The following OR2M3 variants were observed in gnomAD, a reference collection of about 807,000 sequenced individuals.
The protein encoded by OR2M3 is olfactory receptor family 2 subfamily M member 3.
Under a neutral mutation model 4.3 loss-of-function variants are expected in OR2M3, and 1 was observed. The observed-to-expected ratio is 0.23, with a 90% confidence interval of 0.08 to 1.11. The LOEUF is 1.11. Among genes scored for constraint, OR2M3 ranks in the 50% most tolerant of loss-of-function variants. The probability of loss-of-function intolerance (pLI) is 0.54; values close to 1 mark genes in which losing one functional copy is unlikely to be tolerated. For missense variants in OR2M3, 410 were observed against 390.4 expected, an observed-to-expected ratio of 1.05 and a Z score of -0.42; for synonymous variants, 151 against 139.4, an observed-to-expected ratio of 1.08 and a Z score of -0.59.
chr1:248,201,266 A>G (rs1666153604), intron 1 of OR2M3, among the ~76,000 whole-genome samples: 2 of 151,940 alleles, frequency 1.3e-5, no homozygotes, highest in Non-Finnish European at 1.5e-5. Flanking sequence ...TGGAATTCCT[A>G]TTTGGATAAC....
chr1:248,200,520 C>G (rs1041472844), intron 1 of OR2M3, among the ~76,000 whole-genome samples: 2 of 152,106 alleles, frequency 1.3e-5, no homozygotes, highest in African/African-American at 4.8e-5. Flanking sequence ...TACCAATAAT[C>G]AGCTTTATCC....
At position 248,201,936 on chromosome 1, in the gene OR2M3, G is replaced by A. The variant is rs1250560880; in HGVS notation, c.-18-1114G>A. ...GCCACAGTGGTCAACACGTAGCCAG[G>A]CTTCATAAGTGTGGTTGGAAAGAGT... On this transcript the variant is annotated intron_variant, in intron 1 of 1. Transcript: ENST00000641626. Among the ~76,000 whole-genome samples, 3 of 152,084 alleles carry A rather than the reference G, an allele frequency of 2.0e-5. No homozygotes were observed. In the East Asian group the frequency reaches 5.8e-4, roughly 29 times the overall value.
Position 248,209,377 on chromosome 1 carries a change from A to G in OR2M3, c.*5371A>G, listed in dbSNP as rs1666255487. On this transcript the variant is annotated 3_prime_UTR_variant, in exon 2 of 2. Transcript: ENST00000641626. ...TGAACTGGTGTGATCTTTTGGGGGTATTACAGAACCTTGTTTTATCATATT... is the reference window on the plus strand; with the variant it reads ...TGAACTGGTGTGATCTTTTGGGGGTGTTACAGAACCTTGTTTTATCATATT... 2 of 152,078 alleles carry G rather than the reference A, an allele frequency of 1.3e-5. No individual in the cohort carries two copies. Among genetic ancestry groups the G allele is most frequent in the South Asian group, 2.1e-4 (1 of 4,820 alleles). The allele number at this position is 152,078 out of a possible 1,614,324, so 9.4% of individuals were successfully genotyped here.
rs1247892459 is a variant in OR2M3, at chr1:248,205,987, C to G, written c.*1981C>G. The G allele has an allele frequency of 2.0e-5, 3 of 151,702 alleles. No homozygotes were observed. The highest frequency in any genetic ancestry group is 2.1e-4 in the South Asian group (1 of 4,806). 9.4% of individuals were successfully genotyped at this position (151,702 alleles called of 1,614,324 possible). A position where few individuals can be genotyped will look rare whatever the true frequency, so the allele number is the denominator to read the frequency against. ...TTTTCAGCAGTGTTTTGTATTTTTC[C>G]TTGTAGAAGTCTTTCACATCCTTGG... On this transcript the variant is annotated 3_prime_UTR_variant, in exon 2 of 2. Coordinates refer to ENST00000641626, the MANE Select transcript of OR2M3 (RefSeq NM_001004689.2).
chr1:248,209,347 G>A lies in OR2M3; in HGVS notation c.*5341G>A, dbSNP rs1277451541. On this transcript the variant is annotated 3_prime_UTR_variant, in exon 2 of 2. Transcript: ENST00000641626. ...GATTTCCTCTTCGTTTGGATCCATT[G>A]GTGGTGAACTGGTGTGATCTTTTGG... is the stretch of plus-strand genomic sequence containing the variant. The A allele has an allele frequency of 6.6e-6, 1 of 152,120 alleles. No individual in the cohort carries two copies. The highest frequency in any genetic ancestry group is 1.5e-5 in the Non-Finnish European group (1 of 68,028). 9.4% of individuals were successfully genotyped at this position (152,120 alleles called of 1,614,324 possible).
chr1:248,198,070 T>G (rs1666116330), intron 1 of OR2M3, among the ~76,000 whole-genome samples: 1 of 152,192 alleles, frequency 6.6e-6, no homozygotes, highest in South Asian at 2.1e-4. Context: ...TTTAAGACGT[T>G]TACACCTATT....
chr1:248,203,524 T>C lies in OR2M3; in HGVS notation c.457T>C (p.Ser153Pro), dbSNP rs1240035976. 1 of 1,613,690 alleles carries C rather than the reference T, an allele frequency of 6.2e-7. No individual in the cohort carries two copies. The highest frequency in any genetic ancestry group is 8.5e-7 in the Non-Finnish European group (1 of 1,179,840). ...LMTAFSWILGSTDGIIDVVAT... is the reference protein window; with the variant it reads ...LMTAFSWILGPTDGIIDVVAT... ...GACTGCCTTTTCCTGGATCCTGGGC[T>C]CTACGGATGGAATTATTGATGTTGT... Residue 153 changes from serine to proline, a missense_variant, in exon 2 of 2, where the codon TCT becomes CCT. Physicochemically the swap from Ser to Pro is moderately conservative, Grantham distance 74. Transcript: ENST00000641626.
rs1272332133 is a variant in OR2M3 at position 248,212,371 on chromosome 1, G to A, written c.*8365G>A. 3 of 151,912 alleles carry A rather than the reference G, an allele frequency of 2.0e-5. No homozygotes were observed. The highest frequency in any genetic ancestry group is 4.4e-5 in the Non-Finnish European group (3 of 67,910). 9.4% of individuals were successfully genotyped at this position (151,912 alleles called of 1,614,324 possible). A position where few individuals can be genotyped will look rare whatever the true frequency, so the allele number is the denominator to read the frequency against. On this transcript the variant is annotated 3_prime_UTR_variant, in exon 2 of 2. Coordinates refer to ENST00000641626, the MANE Select transcript of OR2M3 (RefSeq NM_001004689.2). ...TAAGCAAAATGCATAATTAATTATA[G>A]TTATCTTAAATCACTTGGCCAAATA...
At chr1:248,198,207 T>G (rs1666118363) in intron 1 of OR2M3, among the ~76,000 whole-genome samples, 1 of 152,202 alleles carries the variant, frequency 6.6e-6, no homozygotes, top group African/African-American at 2.4e-5. Context: ...TCTCTCTGAT[T>G]ATATAACTTT....
At chr1:248,198,407 G>A (rs748623222) in intron 1 of OR2M3, among the ~76,000 whole-genome samples, 9 of 152,094 alleles carry the variant, frequency 5.9e-5, no homozygotes, top group Non-Finnish European at 7.4e-5. Context: ...AAATTCCATC[G>A]TTAGTGCACA....
chr1:248,208,507 C>T lies in OR2M3; in HGVS notation c.*4501C>T, dbSNP rs1666247002. ...GCTCCTTTCAGCAGTTCTTGTTGTG[C>T]AGGCTTGATAGTGTTGAATTCTCTC... is the stretch of plus-strand genomic sequence containing the variant. On this transcript the variant is annotated 3_prime_UTR_variant, in exon 2 of 2. Transcript: ENST00000641626. 1 of 152,066 alleles carries T rather than the reference C, an allele frequency of 6.6e-6. No individual in the cohort carries two copies. The highest frequency in any genetic ancestry group is 2.1e-4 in the South Asian group (1 of 4,828). The allele number at this position is 152,066 out of a possible 1,614,324, so 9.4% of individuals were successfully genotyped here.
chr1:248,199,830 ATGAAGGAGG>A lies in OR2M3; in HGVS notation c.-19+2534_-19+2542del, dbSNP rs577581481. Among the ~76,000 whole-genome samples the A allele has an allele frequency of 2.2e-4, 34 of 152,206 alleles. No homozygotes were observed. In the East Asian group the frequency reaches 4.4e-3, roughly 20 times the overall value. ...ATGAAGACAATTTTAGCACATGGAT[ATGAAGGAGG>A]TGAAAAATACAACACAAATAATAGT... On this transcript the variant is annotated intron_variant, in intron 1 of 1. Coordinates refer to ENST00000641626, the MANE Select transcript of OR2M3 (RefSeq NM_001004689.2).
rs77752833 is a variant in OR2M3, at chr1:248,202,349, C to G, written c.-18-701C>G. ...CATGAGTCATAACTGATTAGAGAAA[C>G]CCACTCTAATCCAATATGATCTCAC... On this transcript the variant is annotated intron_variant, in intron 1 of 1. Coordinates refer to ENST00000641626, the MANE Select transcript of OR2M3 (RefSeq NM_001004689.2). Among the ~76,000 whole-genome samples the G allele has an allele frequency of 2.1e-4, 32 of 152,240 alleles. No homozygotes were observed. The East Asian group carries it at 5.4e-3, about 26-fold the overall frequency.
chr1:248,203,516 T>C lies in OR2M3; in HGVS notation c.449T>C (p.Ile150Thr). The change falls in exon 2 of 2, where the codon ATC becomes ACC. Residue 150 changes from isoleucine (I) to threonine (T), a missense_variant. Coordinates refer to ENST00000641626, the MANE Select transcript of OR2M3 (RefSeq NM_001004689.2). ...GGACTTATGACTGCCTTTTCCTGGA[T>C]CCTGGGCTCTACGGATGGAATTATT... is the stretch of plus-strand genomic sequence containing the variant. ...ICGLMTAFSW[I>T]LGSTDGIIDV... 6.2e-7 allele frequency: 1 copy of C among 1,613,836 alleles called. No individual in the cohort carries two copies. Among genetic ancestry groups the C allele is most frequent in the Non-Finnish European group, 8.5e-7 (1 of 1,179,828 alleles).
intron 1 of OR2M3, among the ~76,000 whole-genome samples, chr1:248,199,381 G>GT (rs796556686): frequency 4.0e-5 from 6 of 151,664 alleles, no homozygotes; most frequent in African/African-American, 9.7e-5. Context: ...AAATATTCTG[G>GT]TTTTTTTTGA....
At position 248,203,770 on chromosome 1, in the gene OR2M3, C is replaced by CGCAAAG. The variant is rs778587737; in HGVS notation, c.704_709dup (p.Lys236_Ala237insGlyLys). 35 of 1,612,394 alleles carry CGCAAAG rather than the reference C, an allele frequency of 2.2e-5. No homozygotes were observed. In the East Asian group the frequency reaches 7.8e-4, roughly 36 times the overall value. On this transcript the variant is annotated inframe_insertion, in exon 2 of 2. Coordinates refer to ENST00000641626, the MANE Select transcript of OR2M3 (RefSeq NM_001004689.2). The stretch of plus-strand genomic sequence containing the variant: ...TCACATGGGATCTGGAGAGGGTCGT[C>CGCAAAG]GCAAAGCTTTTACTACTTGTTCCTC...
intron 1 of OR2M3, among the ~76,000 whole-genome samples, chr1:248,200,266 A>G (rs12117067): frequency 0.76 from 115,868 of 152,022 alleles, 44,308 homozygotes; most frequent in South Asian, 0.91. Context: ...GCTATGGTAT[A>G]ATGGTCAGAA....
At position 248,208,509 on chromosome 1, in the gene OR2M3, G is replaced by C. The variant is rs1357996816; in HGVS notation, c.*4503G>C. 1 of 152,134 alleles carries C rather than the reference G, an allele frequency of 6.6e-6. No homozygotes were observed. Among genetic ancestry groups the C allele is most frequent in the Admixed American group, 6.6e-5 (1 of 15,266 alleles). 9.4% of individuals were successfully genotyped at this position (152,134 alleles called of 1,614,324 possible). A position where few individuals can be genotyped will look rare whatever the true frequency, so the allele number is the denominator to read the frequency against. On this transcript the variant is annotated 3_prime_UTR_variant, in exon 2 of 2. Transcript: ENST00000641626. ...TCCTTTCAGCAGTTCTTGTTGTGCA[G>C]GCTTGATAGTGTTGAATTCTCTCAG...
chr1:248,198,537 A>G (rs574283267), intron 1 of OR2M3, among the ~76,000 whole-genome samples: 1 of 152,282 alleles, frequency 6.6e-6, no homozygotes, highest in South Asian at 2.1e-4. Flanking sequence ...AAGTCAGTTT[A>G]GCAACCTCAG....
Sources: gnomAD v4.1 joint callset for allele counts (sites outside exome capture counted in the v4.1 genomes callset) on GRCh38, gnomAD v4.1.1 for gene constraint, MANE v1.5 for transcripts, NCBI Gene and HGNC (gene_info 2026-07-23, HGNC 2026-07-21) for gene names.